The following RAD18 variants were observed in gnomAD, a reference collection of about 807,000 sequenced individuals.
The protein encoded by RAD18 is RAD18 E3 ubiquitin protein ligase.
RAD18 carries 47 observed loss-of-function variants against 60.4 expected under a neutral mutation model. That is an observed-to-expected ratio of 0.78 (90% CI 0.62 to 0.99). RAD18 has a LOEUF of 0.99. RAD18 is among the 50% of genes least tolerant of loss of function. The pLI is 0.00. For missense variants in RAD18, 640 were observed against 593.3 expected (o/e 1.08, Z -0.82); for synonymous variants, 225 against 195.5 (o/e 1.15, Z -1.26).
At chr3:8,950,048 C>T (rs541385440) in intron 2 of RAD18, among the ~76,000 whole-genome samples, 1 of 151,970 alleles carries the variant, frequency 6.6e-6, no homozygotes, top group African/African-American at 2.4e-5. Flanking sequence ...TTTTCCCCTT[C>T]AAGATGGAGT....
chr3:8,947,698 T>C (rs1340548156), intron 3 of RAD18, among the ~76,000 whole-genome samples: 1 of 152,238 alleles, frequency 6.6e-6, no homozygotes, highest in Non-Finnish European at 1.5e-5. Context: ...TAAAGTAAGA[T>C]TGGTTTTCAG....
chr3:8,928,665 T>C (rs1359391709), intron 7 of RAD18, among the ~76,000 whole-genome samples: 1 of 152,180 alleles, frequency 6.6e-6, no homozygotes, highest in East Asian at 1.9e-4. Flanking sequence ...TCTATAAATA[T>C]AGTTGGATAT....
At chr3:8,903,065 G>A (rs1291718373) in intron 9 of RAD18, among the ~76,000 whole-genome samples, 1 of 151,664 alleles carries the variant, frequency 6.6e-6, no homozygotes, top group East Asian at 1.9e-4. Context: ...AGGTGTACAA[G>A]CTTGCTCAAG....
rs886179582 is a variant in RAD18, at chr3:8,877,729, T to C, written c.*3628A>G. 1 of 152,178 alleles carries C rather than the reference T, an allele frequency of 6.6e-6. No individual in the cohort carries two copies. The highest frequency in any genetic ancestry group is 2.4e-5 in the African/African-American group (1 of 41,400). 9.4% of individuals were successfully genotyped at this position (152,178 alleles called of 1,614,324 possible). On this transcript the variant is annotated 3_prime_UTR_variant, in exon 13 of 13. Coordinates refer to ENST00000264926, the MANE Select transcript of RAD18 (RefSeq NM_020165.4). ...ACAAGCTCCATCAGGGCAGGAACTG[T>C]CTTTGTTTTGCACATTACTTGACAT...
At chr3:8,916,101 A>C (rs1940195823) in intron 7 of RAD18, among the ~76,000 whole-genome samples, 1 of 152,176 alleles carries the variant, frequency 6.6e-6, no homozygotes, top group African/African-American at 2.4e-5. Flanking sequence ...GTCAGCAAAA[A>C]TGTTATCCCC....
chr3:8,882,151 C>T (rs1939475914), intron 12 of RAD18, among the ~76,000 whole-genome samples: 2 of 151,576 alleles, frequency 1.3e-5, no homozygotes, highest in African/African-American at 4.9e-5. Context: ...CAAGTCCTGC[C>T]TGCTCTCCTG....
intron 10 of RAD18, among the ~76,000 whole-genome samples, chr3:8,900,347 T>C (rs1240106067): frequency 6.6e-6 from 1 of 152,192 alleles, no homozygotes; most frequent in Non-Finnish European, 1.5e-5. Flanking sequence ...CCAGGGACTA[T>C]ATTACTCAAC....
intron 2 of RAD18, among the ~76,000 whole-genome samples, chr3:8,951,437 C>G (rs181918461): frequency 2.2e-4 from 33 of 152,240 alleles, no homozygotes; most frequent in African/African-American, 7.9e-4. Context: ...CAGACAAACA[C>G]AAATTGAAGG....
At chr3:8,902,309 G>T in intron 10 of RAD18, 71 bp downstream of exon 10, 4 of 1,320,150 alleles carry the variant, frequency 3.0e-6, no homozygotes, top group South Asian at 3.7e-5. Flanking sequence ...AATTTCTTTG[G>T]TTTAATTTTT....
intron 7 of RAD18, among the ~76,000 whole-genome samples, chr3:8,925,237 C>G (rs1260976027): frequency 1.3e-5 from 2 of 152,092 alleles, no homozygotes; most frequent in East Asian, 3.9e-4. Context: ...ATATCACCAC[C>G]GATCCCACAG....
At chr3:8,904,041 T>C (rs1203179517) in intron 9 of RAD18, among the ~76,000 whole-genome samples, 1 of 152,184 alleles carries the variant, frequency 6.6e-6, no homozygotes, top group Admixed American at 6.5e-5. Context: ...CAATGGAAAA[T>C]AATTCTTGTC....
At chr3:8,888,203 A>G (rs1162570090) in intron 12 of RAD18, among the ~76,000 whole-genome samples, 2 of 152,170 alleles carry the variant, frequency 1.3e-5, no homozygotes, top group Non-Finnish European at 2.9e-5. Context: ...ACGGTGTGCC[A>G]TGCCCTGTCT....
rs557395301 is a variant in RAD18, at chr3:8,880,088, T to C, written c.*1269A>G. On this transcript the variant is annotated 3_prime_UTR_variant, in exon 13 of 13. Coordinates refer to ENST00000264926, the MANE Select transcript of RAD18 (RefSeq NM_020165.4). ...CCTTAATGCACCCCTCAGGATTTCA[T>C]GCAAATGAAATTATTATGACAAATT... 6.6e-6 allele frequency: 1 copy of C among 152,330 alleles called. No homozygotes were observed. The highest frequency in any genetic ancestry group is 1.5e-5 in the Non-Finnish European group (1 of 68,034). The allele number at this position is 152,330 out of a possible 1,614,324, so 9.4% of individuals were successfully genotyped here.
At chr3:8,901,464 T>G (rs951691688) in intron 10 of RAD18, among the ~76,000 whole-genome samples, 2 of 152,128 alleles carry the variant, frequency 1.3e-5, no homozygotes, top group African/African-American at 2.4e-5. Context: ...AATCAAAAAT[T>G]TTAAAATATT....
intron 11 of RAD18, among the ~76,000 whole-genome samples, chr3:8,898,667 A>G (rs1184802765): frequency 6.6e-6 from 1 of 152,178 alleles, no homozygotes; most frequent in Non-Finnish European, 1.5e-5. Context: ...GTATCTACAT[A>G]AAGGCTATAG....
At chr3:8,895,380 A>C (rs1939766276) in intron 11 of RAD18, among the ~76,000 whole-genome samples, 1 of 152,230 alleles carries the variant, frequency 6.6e-6, no homozygotes, top group Non-Finnish European at 1.5e-5. Context: ...TTACAGTAAG[A>C]TACTTCACTT....
chr3:8,905,748 C>CT (rs1310330875), intron 9 of RAD18, among the ~76,000 whole-genome samples: 1 of 152,180 alleles, frequency 6.6e-6, no homozygotes, highest in Non-Finnish European at 1.5e-5. Context: ...ACTCTTGCAC[C>CT]TTTCTCTAGT....
intron 11 of RAD18, 79 bp from the exon 12 acceptor site, chr3:8,890,530 AC>A: frequency 7.9e-6 from 9 of 1,136,742 alleles, no homozygotes; most frequent in Non-Finnish European, 1.0e-5. Context: ...CTAGAAAAAA[AC>A]AAATGAGTCT....
At chr3:8,893,818 C>A (rs1025314837) in intron 11 of RAD18, among the ~76,000 whole-genome samples, 1 of 151,300 alleles carries the variant, frequency 6.6e-6, no homozygotes. Flanking sequence ...CACCACATCT[C>A]CTGAGTAGTT....
Sources: allele counts gnomAD v4.1 joint callset (sites outside exome capture counted in the v4.1 genomes callset), GRCh38; gene constraint gnomAD v4.1.1; transcripts MANE v1.5; gene names NCBI Gene and HGNC (gene_info 2026-07-23, HGNC 2026-07-21).